LRBA: variants seen among roughly 807,000 people sequenced by gnomAD.
LRBA encodes LPS responsive beige-like anchor protein, also known as lipopolysaccharide-responsive and beige-like anchor protein.
LRBA carries 176 observed loss-of-function variants against 330.0 expected under a neutral mutation model. That is an observed-to-expected ratio of 0.53 (90% CI 0.47 to 0.60). The LOEUF (loss-of-function observed/expected upper bound fraction) is 0.60. Among genes scored for constraint, LRBA ranks in the 20% least tolerant of loss-of-function variants. The pLI, the probability that LRBA is intolerant of heterozygous loss-of-function variation, is 0.00. For missense variants in LRBA, 3,259 were observed against 3,444.8 expected (o/e 0.95, Z 1.35); for synonymous variants, 1,230 against 1,193.0 (o/e 1.03, Z -0.64).
Position 150,415,461 on chromosome 4 carries a change from C to T in LRBA, c.7171G>A (p.Glu2391Lys). The T allele has an allele frequency of 1.9e-6, 3 of 1,613,542 alleles. No individual in the cohort carries two copies. The highest frequency in any genetic ancestry group is 1.7e-6 in the Non-Finnish European group (2 of 1,179,738). ...ACCAATCTGTTTATGTGAACAAATT[C>T]TTCTGAGGTTTTGGCCCAAGGAGGA... Reference protein sequence around the residue: ...ELPPWAKTSEEFVHINRLALE... With the variant: ...ELPPWAKTSEKFVHINRLALE... The change falls in exon 47 of 57, where the codon GAA becomes AAA. Residue 2391 changes from glutamate to lysine, a missense_variant. By Grantham distance (56) the Glu-to-Lys change is moderately conservative (BLOSUM62 1). Coordinates refer to ENST00000651943, the MANE Select transcript of LRBA (RefSeq NM_001364905.1).
At chr4:150,508,849 A>C (rs1265690611) in intron 40 of LRBA, among the ~76,000 whole-genome samples, 1 of 152,220 alleles carries the variant, frequency 6.6e-6, no homozygotes, top group African/African-American at 2.4e-5. Flanking sequence ...GTTGAACAAG[A>C]CCATCAACCA....
chr4:150,673,916 C>A (rs1484565279), intron 37 of LRBA, among the ~76,000 whole-genome samples: 2 of 152,078 alleles, frequency 1.3e-5, no homozygotes, highest in Admixed American at 6.5e-5. Flanking sequence ...TATAGGGAGG[C>A]TGGACAATGC....
chr4:150,802,077 G>A (rs1281036042), intron 33 of LRBA, among the ~76,000 whole-genome samples: 4 of 149,294 alleles, frequency 2.7e-5, no homozygotes, highest in African/African-American at 7.4e-5. Flanking sequence ...AACATTAGAC[G>A]AGCATGGTGA....
At chr4:150,841,063 A>T (rs752029364) in intron 28 of LRBA, 62 of 965,694 alleles carry the variant, frequency 6.4e-5, no homozygotes, top group Non-Finnish European at 8.5e-5. Flanking sequence ...TCTGTTGGAA[A>T]AAACAAAGGT....
intron 3 of LRBA, 38 bp from the exon 4 acceptor site, chr4:150,928,654 TTA>T (rs768583552): frequency 1.2e-5 from 18 of 1,513,716 alleles, no homozygotes; most frequent in Non-Finnish European, 1.6e-5. Flanking sequence ...ACTCAGCTAG[TTA>T]TATTTCTCGA....
intron 37 of LRBA, among the ~76,000 whole-genome samples, chr4:150,618,844 GTA>G (rs1021135693): frequency 4.3e-5 from 2 of 46,338 alleles, no homozygotes; most frequent in African/African-American, 9.1e-5. Context: ...GTATATGTGT[GTA>G]TGTATATATA....
intron 31 of LRBA, among the ~76,000 whole-genome samples, chr4:150,813,262 A>C (rs1273536377): frequency 6.6e-6 from 1 of 151,900 alleles, no homozygotes; most frequent in African/African-American, 2.4e-5. Flanking sequence ...AAATTTCTAG[A>C]TTTTGATATA....
intron 47 of LRBA, among the ~76,000 whole-genome samples, chr4:150,396,456 C>A (rs1316175283): frequency 6.8e-6 from 1 of 146,486 alleles, no homozygotes; most frequent in Non-Finnish European, 1.5e-5. Flanking sequence ...ATCACACATG[C>A]CAATTCCCAT....
At chr4:150,586,893 T>C (rs1772178537) in intron 40 of LRBA, among the ~76,000 whole-genome samples, 1 of 152,162 alleles carries the variant, frequency 6.6e-6, no homozygotes, top group Non-Finnish European at 1.5e-5. Flanking sequence ...GAGAGTTTAA[T>C]TTTGGTAACC....
intron 47 of LRBA, among the ~76,000 whole-genome samples, chr4:150,409,451 T>C (rs1299539350): frequency 2.0e-5 from 3 of 152,184 alleles, no homozygotes; most frequent in African/African-American, 4.8e-5. Context: ...ACTAGCTCTA[T>C]AATGGATGAG....
chr4:150,895,336 G>A (rs1204514359), intron 16 of LRBA, among the ~76,000 whole-genome samples: 1 of 151,820 alleles, frequency 6.6e-6, no homozygotes, highest in Non-Finnish European at 1.5e-5. Context: ...ACAATGTGCA[G>A]GTTTGTTACA....
At chr4:150,581,395 G>C (rs1049445527) in intron 40 of LRBA, 4 of 429,960 alleles carry the variant, frequency 9.3e-6, no homozygotes, top group Admixed American at 5.3e-5. Context: ...GAGGGGAGGG[G>C]AAGAGAAAGG....
chr4:150,316,916 T>A (rs1731797142), intron 50 of LRBA, among the ~76,000 whole-genome samples: 1 of 152,136 alleles, frequency 6.6e-6, no homozygotes. Flanking sequence ...TTCATGAAGA[T>A]TCCTGGAAAA....
At position 150,835,235 on chromosome 4, in the gene LRBA, G is replaced by C. The variant is rs560828167; in HGVS notation, c.4570-3259C>G. Among the ~76,000 whole-genome samples the C allele has an allele frequency of 2.0e-5, 3 of 152,276 alleles. No individual in the cohort carries two copies. The South Asian group carries it at 6.2e-4, about 32-fold the overall frequency. Reference sequence around the variant, plus strand: ...TTATAGTATAGCTTGAAGTCAGGTAGTGTGATGCCTCCAGCTTTGTTCTTT... The same window carrying C: ...TTATAGTATAGCTTGAAGTCAGGTACTGTGATGCCTCCAGCTTTGTTCTTT... On this transcript the variant is annotated intron_variant, in intron 28 of 56. Transcript: ENST00000651943.
intron 17 of LRBA, among the ~76,000 whole-genome samples, chr4:150,883,030 A>G (rs1455530010): frequency 1.3e-5 from 2 of 152,182 alleles, no homozygotes; most frequent in Non-Finnish European, 2.9e-5. Flanking sequence ...GCATGCCTAT[A>G]TTATCTGTCA....
At chr4:150,957,928 G>A (rs1160962297) in intron 2 of LRBA, among the ~76,000 whole-genome samples, 12 of 149,420 alleles carry the variant, frequency 8.0e-5, no homozygotes, top group South Asian at 2.1e-4. Flanking sequence ...GGGCAGCTCC[G>A]CCCCTGTGGC....
chr4:150,814,288 T>C (rs912322233), intron 31 of LRBA, among the ~76,000 whole-genome samples: 1 of 151,762 alleles, frequency 6.6e-6, no homozygotes, highest in African/African-American at 2.4e-5. Flanking sequence ...AGAGAACTAT[T>C]TGGGAGGTTG....
At chr4:150,733,853 C>A (rs755258222) in intron 36 of LRBA, among the ~76,000 whole-genome samples, 5 of 152,074 alleles carry the variant, frequency 3.3e-5, no homozygotes, top group Admixed American at 3.3e-4. Flanking sequence ...TCACCAAATT[C>A]TCTTATTAAC....
intron 46 of LRBA, among the ~76,000 whole-genome samples, chr4:150,424,515 G>A (rs1380417377): frequency 6.6e-6 from 1 of 152,228 alleles, no homozygotes; most frequent in Non-Finnish European, 1.5e-5. Context: ...CAGGGTTGCA[G>A]GTGGCCTAAC....
Sources: gnomAD v4.1 joint callset for allele counts (sites outside exome capture counted in the v4.1 genomes callset) on GRCh38, gnomAD v4.1.1 for gene constraint, MANE v1.5 for transcripts, NCBI Gene and HGNC (gene_info 2026-07-23, HGNC 2026-07-21) for gene names.